NKAIN2: variants seen among roughly 807,000 people sequenced by gnomAD.
The protein encoded by NKAIN2 is sodium/potassium-transporting ATPase subunit beta-1-interacting protein 2.
In NKAIN2, 14 loss-of-function variants were observed where a neutral mutation model predicts 32.6. The observed-to-expected ratio is 0.43, with a 90% CI of 0.28 to 0.67. The LOEUF (loss-of-function observed/expected upper bound fraction) is 0.67, where lower values mean the gene tolerates loss of function less well. Among genes scored for constraint, NKAIN2 ranks in the 30% least tolerant of loss-of-function variants. NKAIN2 has a pLI of 0.17. For synonymous variants in NKAIN2, 80 were observed against 87.2 expected, an observed-to-expected ratio of 0.92 and a Z score of 0.46; for missense variants, 198 against 258.3, an observed-to-expected ratio of 0.77 and a Z score of 1.60.
chr6:124,293,622 G>A (rs1795916299), intron 2 of NKAIN2, among the ~76,000 whole-genome samples: 1 of 151,958 alleles, frequency 6.6e-6, no homozygotes, highest in South Asian at 2.1e-4. Flanking sequence ...TCCACTTCTT[G>A]AATGATTTTG....
chr6:123,951,531 C>T (rs1047024772), intron 1 of NKAIN2, among the ~76,000 whole-genome samples: 1 of 151,834 alleles, frequency 6.6e-6, no homozygotes, highest in Admixed American at 6.6e-5. Context: ...TCGCTTTTTA[C>T]CATTTTTGAC....
chr6:123,835,806 G>T (rs1159873657), intron 1 of NKAIN2, among the ~76,000 whole-genome samples: 2 of 152,042 alleles, frequency 1.3e-5, no homozygotes, highest in African/African-American at 4.8e-5. Flanking sequence ...GTATTCTTCT[G>T]TCCACACTAC....
intron 3 of NKAIN2, among the ~76,000 whole-genome samples, chr6:124,657,141 C>G (rs886975059): frequency 2.0e-5 from 3 of 152,212 alleles, no homozygotes; most frequent in Admixed American, 6.5e-5. Context: ...TGTGGCTCCA[C>G]GTCACAAACG....
intron 3 of NKAIN2, among the ~76,000 whole-genome samples, chr6:124,565,595 A>T (rs1410394947): frequency 6.6e-6 from 1 of 152,156 alleles, no homozygotes; most frequent in African/African-American, 2.4e-5. Flanking sequence ...GCGAAACACC[A>T]CTTAGAGTTC....
chr6:123,986,438 C>T (rs1277401576), intron 1 of NKAIN2, among the ~76,000 whole-genome samples: 2 of 152,128 alleles, frequency 1.3e-5, no homozygotes, highest in East Asian at 3.9e-4. Context: ...GGTATATATA[C>T]TGGGGCAAAA....
At chr6:123,933,641 C>T (rs1445945564) in intron 1 of NKAIN2, among the ~76,000 whole-genome samples, 1 of 152,214 alleles carries the variant, frequency 6.6e-6, no homozygotes, top group Non-Finnish European at 1.5e-5. Flanking sequence ...TGACAAGGTT[C>T]TTTGGTCATT....
At chr6:124,640,104 C>A (rs538942239) in intron 3 of NKAIN2, among the ~76,000 whole-genome samples, 5 of 151,820 alleles carry the variant, frequency 3.3e-5, no homozygotes, top group Non-Finnish European at 5.9e-5. Context: ...ACGTGTCAAC[C>A]GAAAATAGAA....
intron 1 of NKAIN2, among the ~76,000 whole-genome samples, chr6:124,034,798 T>G (rs935853828): frequency 7.2e-5 from 11 of 152,134 alleles, no homozygotes; most frequent in Non-Finnish European, 1.5e-4. Flanking sequence ...TTTTGACTTT[T>G]TAATAATAGA....
intron 3 of NKAIN2, among the ~76,000 whole-genome samples, chr6:124,641,530 C>CTT (rs755033671): frequency 0.02 from 394 of 19,526 alleles, 183 homozygotes; most frequent in Non-Finnish European, 0.029. Context: ...AAAACACTAG[C>CTT]TTTTTTTTTT....
At chr6:124,238,225 T>C (rs1792882335) in intron 1 of NKAIN2, among the ~76,000 whole-genome samples, 1 of 152,068 alleles carries the variant, frequency 6.6e-6, no homozygotes, top group Non-Finnish European at 1.5e-5. Flanking sequence ...CCTGGAAATA[T>C]GTGAGACAAA....
intron 1 of NKAIN2, among the ~76,000 whole-genome samples, chr6:124,166,706 G>C (rs1225292537): frequency 6.6e-6 from 1 of 151,820 alleles, no homozygotes; most frequent in Admixed American, 6.6e-5. Context: ...AAGGTGTAAG[G>C]AAGGGATCCA....
chr6:124,727,581 C>G (rs919703954), intron 4 of NKAIN2, among the ~76,000 whole-genome samples: 2 of 151,838 alleles, frequency 1.3e-5, no homozygotes, highest in African/African-American at 4.8e-5. Context: ...AAGGAACAAC[C>G]CGTACCAGCC....
At chr6:124,585,265 G>T (rs549822993) in intron 3 of NKAIN2, among the ~76,000 whole-genome samples, 2 of 152,132 alleles carry the variant, frequency 1.3e-5, no homozygotes, top group South Asian at 4.1e-4. Context: ...TGAAACAATT[G>T]CACTCATGGG....
rs1582836244 is a variant in NKAIN2, at chr6:123,954,439, C to A, written c.54+150185C>A. On this transcript the variant is annotated intron_variant, in intron 1 of 6. Transcript: ENST00000368417. ...TGTCCTTTCCCCACATTGGGGAGCT[C>A]CCCCCAAATCCCAGACAATCATGAC... Among the ~76,000 whole-genome samples the A allele has an allele frequency of 4.6e-5, 7 of 152,262 alleles. 1 individual carries two copies. In the South Asian group the frequency reaches 1.5e-3, roughly 32 times the overall value.
chr6:124,237,592 G>A (rs1365696281), intron 1 of NKAIN2, among the ~76,000 whole-genome samples: 1 of 152,146 alleles, frequency 6.6e-6, no homozygotes, highest in Non-Finnish European at 1.5e-5. Context: ...GTGTATTTGT[G>A]TGTTGGTATG....
chr6:124,321,798 A>C lies in NKAIN2; in HGVS notation c.193-33469A>C, dbSNP rs79386180. 9.3e-3 allele frequency among the ~76,000 whole-genome samples: 1,421 copies of C among 152,286 alleles called. 23 individuals are homozygous for C. The highest frequency in any genetic ancestry group is 0.036 in the East Asian group (185 of 5,170). ...TTGGTGCAGCCATTTAGAGGCAATA[A>C]AAACATTGGCATGGCTGCTCAGAAA... On this transcript the variant is annotated intron_variant, in intron 2 of 6. Coordinates refer to ENST00000368417, the MANE Select transcript of NKAIN2 (RefSeq NM_001040214.3).
chr6:124,785,665 G>T (rs1480324417), intron 4 of NKAIN2, among the ~76,000 whole-genome samples: 3 of 152,236 alleles, frequency 2.0e-5, no homozygotes, highest in South Asian at 2.1e-4. Flanking sequence ...CATTAAGTTT[G>T]GGAGGCTGTG....
intron 3 of NKAIN2, among the ~76,000 whole-genome samples, chr6:124,385,941 A>T (rs1772880036): frequency 6.6e-6 from 1 of 152,184 alleles, no homozygotes; most frequent in Non-Finnish European, 1.5e-5. Flanking sequence ...ATCTCCATCA[A>T]GTTTAAGACA....
intron 3 of NKAIN2, among the ~76,000 whole-genome samples, chr6:124,570,743 G>A (rs184535298): frequency 6.6e-6 from 1 of 152,244 alleles, no homozygotes; most frequent in South Asian, 2.1e-4. Flanking sequence ...GAAGGGAAAT[G>A]TGGGGTTATG....
Sources: allele counts gnomAD v4.1 joint callset (sites outside exome capture counted in the v4.1 genomes callset), GRCh38; gene constraint gnomAD v4.1.1; transcripts MANE v1.5; gene names NCBI Gene and HGNC (gene_info 2026-07-23, HGNC 2026-07-21).